PRIM2: variants seen among roughly 807,000 people sequenced by gnomAD.
PRIM2 encodes the protein DNA primase large subunit.
In PRIM2, 39 loss-of-function variants were observed where a neutral mutation model predicts 67.3. The observed-to-expected ratio is 0.58, with a 90% CI of 0.45 to 0.76. The LOEUF is 0.76. Ranked by LOEUF, PRIM2 falls within the 30% of genes least tolerant of loss-of-function variation. The probability of loss-of-function intolerance (pLI) is 0.00; values close to 1 mark genes in which losing one functional copy is unlikely to be tolerated. For missense variants in PRIM2, 398 were observed against 598.7 expected (o/e 0.66, Z 3.50); for synonymous variants, 143 against 198.7 (o/e 0.72, Z 2.36).
intron 7 of PRIM2, among the ~76,000 whole-genome samples, chr6:57,396,723 GT>G (rs1189196049): frequency 6.6e-6 from 1 of 151,952 alleles, no homozygotes; most frequent in African/African-American, 2.4e-5. Context: ...TTGGTTTTTT[GT>G]TTTTGTTTTT....
chr6:57,252,850 T>C, the PRIM2 span, among the ~76,000 whole-genome samples: 50 of 152,360 alleles, frequency 3.3e-4, no homozygotes, highest in African/African-American at 1.1e-3. Context: ...GAACCTCTCA[T>C]TATGGATGCC....
the PRIM2 span, among the ~76,000 whole-genome samples, chr6:57,264,629 A>C: frequency 8.3e-6 from 1 of 120,906 alleles, no homozygotes; most frequent in African/African-American, 3.4e-5. Flanking sequence ...ATGGAGCCTC[A>C]CTCTGTTGCC....
intron 7 of PRIM2, among the ~76,000 whole-genome samples, chr6:57,427,182 G>T (rs1215872383): frequency 6.6e-6 from 1 of 152,042 alleles, no homozygotes; most frequent in African/African-American, 2.4e-5. Context: ...TTCAGTCTTA[G>T]TTTTCGTGTT....
intron 7 of PRIM2, among the ~76,000 whole-genome samples, chr6:57,468,528 T>C (rs1490664020): frequency 6.6e-6 from 1 of 152,212 alleles, no homozygotes; most frequent in Non-Finnish European, 1.5e-5. Context: ...GGATTCGGTT[T>C]GCCAGTATTT....
chr6:57,552,046 C>T (rs1212061488), intron 10 of PRIM2, among the ~76,000 whole-genome samples: 25 of 152,100 alleles, frequency 1.6e-4, no homozygotes, highest in African/African-American at 5.3e-4. Flanking sequence ...TAAAACCTTT[C>T]GATATGATTT....
At chr6:57,274,330 G>T in the PRIM2 span, among the ~76,000 whole-genome samples, 1 of 152,182 alleles carries the variant, frequency 6.6e-6, no homozygotes, top group African/African-American at 2.4e-5. Context: ...GGCAATGGCG[G>T]GTGCCCCTCC....
upstream of PRIM2, among the ~76,000 whole-genome samples, chr6:57,314,463 C>T (rs142665828): frequency 4.7e-4 from 71 of 152,344 alleles, no homozygotes; most frequent in African/African-American, 1.7e-3. Flanking sequence ...TTGCAATGAG[C>T]CGAGATCATG....
chr6:57,513,829 A>G (rs1554347946), intron 8 of PRIM2, among the ~76,000 whole-genome samples: 1 of 152,188 alleles, frequency 6.6e-6, no homozygotes, highest in East Asian at 1.9e-4. Context: ...AGCCAGGATC[A>G]TGCCACTGCA....
intron 3 of PRIM2, among the ~76,000 whole-genome samples, chr6:57,321,573 G>T (rs1267072176): frequency 6.6e-6 from 1 of 150,650 alleles, no homozygotes; most frequent in East Asian, 1.9e-4. Context: ...AGAATGGAAA[G>T]GAGCTTTCTC....
intron 7 of PRIM2, among the ~76,000 whole-genome samples, chr6:57,467,259 G>A (rs1773227104): frequency 6.6e-6 from 1 of 151,688 alleles, no homozygotes; most frequent in Non-Finnish European, 1.5e-5. Context: ...ATGGTTTTAG[G>A]TCTTATGTTT....
chr6:57,646,732 C>G lies in PRIM2; in HGVS notation c.*574C>G, dbSNP rs1777343036. The G allele has an allele frequency of 6.6e-6, 1 of 152,218 alleles. No homozygotes were observed. The highest frequency in any genetic ancestry group is 1.5e-5 in the Non-Finnish European group (1 of 68,070). The allele number at this position is 152,218 out of a possible 1,614,324, so 9.4% of individuals were successfully genotyped here. A position where few individuals can be genotyped will look rare whatever the true frequency, so the allele number is the denominator to read the frequency against. On this transcript the variant is annotated 3_prime_UTR_variant, in exon 14 of 14. Coordinates refer to ENST00000615550, the MANE Select transcript of PRIM2 (RefSeq NM_000947.5). Reference sequence around the variant, plus strand: ...TAGGAGATAAAAACAGCTTTGGGGACTGGTTAAAGTCCCCCAGAAACTACA... The same window carrying G: ...TAGGAGATAAAAACAGCTTTGGGGAGTGGTTAAAGTCCCCCAGAAACTACA...
At chr6:57,478,475 G>T (rs1473305470) in intron 7 of PRIM2, among the ~76,000 whole-genome samples, 1 of 151,616 alleles carries the variant, frequency 6.6e-6, no homozygotes, top group Non-Finnish European at 1.5e-5. Context: ...TGGGTAGCTG[G>T]GACTGCAGGC....
At chr6:57,336,016 G>T (rs1347628588) in intron 5 of PRIM2, among the ~76,000 whole-genome samples, 6 of 151,814 alleles carry the variant, frequency 4.0e-5, no homozygotes, top group East Asian at 1.9e-4. Context: ...GTGCTTAAAG[G>T]AGCTGATGGA....
chr6:57,267,632 T>C, the PRIM2 span, among the ~76,000 whole-genome samples: 1 of 151,592 alleles, frequency 6.6e-6, no homozygotes, highest in Non-Finnish European at 1.5e-5. Context: ...ATGGTTGACA[T>C]GCACGGTGGC....
intron 7 of PRIM2, among the ~76,000 whole-genome samples, chr6:57,421,658 T>A (rs574802821): frequency 1.3e-5 from 2 of 152,352 alleles, no homozygotes; most frequent in Admixed American, 6.5e-5. Flanking sequence ...CAGTGATAGC[T>A]ATTTGCATGC....
chr6:57,235,370 A>C, the PRIM2 span, among the ~76,000 whole-genome samples: 1 of 152,218 alleles, frequency 6.6e-6, no homozygotes, highest in Non-Finnish European at 1.5e-5. Context: ...AGGCTGAGGC[A>C]GGAGAATCAC....
chr6:57,273,100 G>A, the PRIM2 span, among the ~76,000 whole-genome samples: 1 of 152,222 alleles, frequency 6.6e-6, no homozygotes, highest in Non-Finnish European at 1.5e-5. Flanking sequence ...TGACAATTAT[G>A]TGTCTTGGAG....
At chr6:57,355,276 C>T (rs1768993102) in intron 5 of PRIM2, among the ~76,000 whole-genome samples, 1 of 148,374 alleles carries the variant, frequency 6.7e-6, no homozygotes, top group African/African-American at 2.5e-5. Context: ...TGCACTCCAG[C>T]CTGGGTAACA....
At chr6:57,503,795 G>A (rs1774194626) in intron 7 of PRIM2, among the ~76,000 whole-genome samples, 1 of 152,026 alleles carries the variant, frequency 6.6e-6, no homozygotes, top group South Asian at 2.1e-4. Context: ...TCAATCTTTT[G>A]GTGGTGCGTG....
Sources: gnomAD v4.1 joint callset for allele counts (sites outside exome capture counted in the v4.1 genomes callset) on GRCh38, gnomAD v4.1.1 for gene constraint, MANE v1.5 for transcripts, NCBI Gene and HGNC (gene_info 2026-07-23, HGNC 2026-07-21) for gene names.